Variants in ATP10D observed in about 807,000 individuals in gnomAD.
ATP10D encodes the protein phospholipid-transporting ATPase VD.
Under a neutral mutation model 144.8 loss-of-function variants are expected in ATP10D, and 89 were observed. The observed-to-expected ratio is 0.61, with a 90% CI of 0.52 to 0.73. The LOEUF (loss-of-function observed/expected upper bound fraction) is 0.73. Among genes scored for constraint, ATP10D ranks in the 30% least tolerant of loss-of-function variants. The pLI is 0.00. For missense variants in ATP10D, 1,603 were observed against 1,714.8 expected (o/e 0.93, Z 1.15); for synonymous variants, 571 against 615.1 (o/e 0.93, Z 1.06).
chr4:47,506,265 T>C (rs1716016819), intron 1 of ATP10D, among the ~76,000 whole-genome samples: 2 of 152,242 alleles, frequency 1.3e-5, no homozygotes, highest in Non-Finnish European at 2.9e-5. Context: ...CTTTGAACTT[T>C]ACTTTTTTCT....
chr4:47,502,557 TA>T (rs1360591352), intron 1 of ATP10D, among the ~76,000 whole-genome samples: 187 of 148,808 alleles, frequency 1.3e-3, no homozygotes, highest in African/African-American at 4.3e-3. Context: ...AATATATATA[TA>T]TTTGATAATA....
chr4:47,555,386 G>T (rs1327591767), intron 11 of ATP10D, among the ~76,000 whole-genome samples: 3 of 152,188 alleles, frequency 2.0e-5, no homozygotes, highest in Admixed American at 2.0e-4. Context: ...GGTCCCTGGT[G>T]CCAAAAAGGT....
At chr4:47,500,223 G>A (rs909723658) in intron 1 of ATP10D, among the ~76,000 whole-genome samples, 1 of 152,150 alleles carries the variant, frequency 6.6e-6, no homozygotes, top group Non-Finnish European at 1.5e-5. Flanking sequence ...GATGGAGGAG[G>A]GAGACAGACA....
chr4:47,491,422 T>C (rs776771299), intron 1 of ATP10D: 1 of 721,414 alleles, frequency 1.4e-6, no homozygotes. Context: ...CTAGAGAACA[T>C]GTATGGGGTG....
At chr4:47,588,911 A>G (rs1054521274) in intron 22 of ATP10D, among the ~76,000 whole-genome samples, 11 of 152,298 alleles carry the variant, frequency 7.2e-5, no homozygotes, top group Admixed American at 6.5e-4. Context: ...AAAGATTTCC[A>G]TGTCCTAATC....
intron 4 of ATP10D, 38 bp from the exon 5 acceptor site, chr4:47,525,519 C>CG (rs755331262): frequency 7.0e-7 from 1 of 1,431,236 alleles, no homozygotes; most frequent in Non-Finnish European, 9.8e-7. Context: ...AGGGTTTAAC[C>CG]TTGAATTCTT....
At chr4:47,524,227 A>AT (rs901482364) in intron 4 of ATP10D, among the ~76,000 whole-genome samples, 37 of 149,004 alleles carry the variant, frequency 2.5e-4, no homozygotes, top group African/African-American at 7.9e-4. Context: ...CGCTCGGTCT[A>AT]TTTTTTTTTT....
chr4:47,539,091 C>T (rs2109427079), intron 9 of ATP10D, among the ~76,000 whole-genome samples: 1 of 152,298 alleles, frequency 6.6e-6, no homozygotes, highest in East Asian at 1.9e-4. Context: ...CTGCCTACCA[C>T]AGTCTCTAAA....
chr4:47,536,621 A>G (rs2109424469), intron 8 of ATP10D, 57 bp downstream of exon 8: 8 of 1,604,108 alleles, frequency 5.0e-6, no homozygotes, highest in East Asian at 4.5e-5. Context: ...TTATCCAGCT[A>G]TGTTCAGTTT....
chr4:47,525,443 C>T (rs990553761), intron 4 of ATP10D, 114 bp from the exon 5 acceptor site: 8 of 738,144 alleles, frequency 1.1e-5, no homozygotes, highest in Non-Finnish European at 1.6e-5. Context: ...ATGATATGAA[C>T]TTCATTGCAA....
At chr4:47,590,976 T>TGG (rs4031826) in intron 22 of ATP10D, 66 bp from the exon 23 acceptor site, 86,920 of 938,554 alleles carry the variant, frequency 0.093, 2,640 homozygotes, top group East Asian at 0.23. Context: ...CGTTAGTATT[T>TGG]GGGGGGGGGG....
At chr4:47,579,172 T>C (rs551274755) in intron 19 of ATP10D, among the ~76,000 whole-genome samples, 1 of 152,332 alleles carries the variant, frequency 6.6e-6, no homozygotes, top group South Asian at 2.1e-4. Flanking sequence ...GGCTCTTGTT[T>C]GAAAAGTCAT....
chr4:47,549,488 G>T (rs995829095), intron 10 of ATP10D, among the ~76,000 whole-genome samples: 1 of 152,220 alleles, frequency 6.6e-6, no homozygotes, highest in Non-Finnish European at 1.5e-5. Context: ...CTTCAGGGGT[G>T]CCTGGCACCA....
chr4:47,579,627 A>G (rs529355859), intron 19 of ATP10D, among the ~76,000 whole-genome samples: 9 of 152,342 alleles, frequency 5.9e-5, no homozygotes, highest in South Asian at 2.1e-4. Context: ...GAAAGAATGG[A>G]TTTGGCACAT....
intron 18 of ATP10D, among the ~76,000 whole-genome samples, chr4:47,576,449 A>C (rs2109469575): frequency 6.6e-6 from 1 of 152,328 alleles, no homozygotes; most frequent in East Asian, 1.9e-4. Context: ...AGTTAATTAC[A>C]CTTAATTTCC....
chr4:47,522,268 A>G (rs186034731), intron 3 of ATP10D, among the ~76,000 whole-genome samples: 16 of 152,298 alleles, frequency 1.1e-4, no homozygotes, highest in African/African-American at 3.8e-4. Context: ...CGTGGAGCAT[A>G]ATGGTAACCC....
intron 18 of ATP10D, 105 bp from the exon 19 acceptor site, chr4:47,576,668 C>A: frequency 9.8e-7 from 1 of 1,016,428 alleles, no homozygotes; most frequent in Non-Finnish European, 1.5e-6. Flanking sequence ...AAGAAAACTA[C>A]AGAGAGGCTG....
Position 47,512,629 on chromosome 4 carries a change from A to G in ATP10D, c.89A>G (p.Tyr30Cys), listed in dbSNP as rs138139630. The G allele has an allele frequency of 1.7e-4, 281 of 1,614,020 alleles. No homozygotes were observed. Among genetic ancestry groups the G allele is most frequent in the Non-Finnish European group, 2.2e-4 (265 of 1,180,034 alleles). ...TRDDDSGPYNYSSLLACGRKS... is the reference protein window; with the variant it reads ...TRDDDSGPYNCSSLLACGRKS... ...GATGATGATTCAGGGCCATACAACT[A>G]TTCCTCGTTGCTCGCCTGTGGGCGC... Residue 30 changes from tyrosine (Y) to cysteine (C), a missense_variant, in exon 2 of 23, where the codon TAT becomes TGT. By Grantham distance (194) the Tyr-to-Cys change is radical. Coordinates refer to ENST00000273859, the MANE Select transcript of ATP10D (RefSeq NM_020453.4).
At chr4:47,563,896 T>G (rs975863919) in intron 15 of ATP10D, 131 bp downstream of exon 15, 55 of 1,012,892 alleles carry the variant, frequency 5.4e-5, no homozygotes, top group Non-Finnish European at 6.7e-5. Context: ...TTTGTTTGTT[T>G]GTTTTGGTTT....
Sources: allele counts gnomAD v4.1 joint callset (sites outside exome capture counted in the v4.1 genomes callset), GRCh38; gene constraint gnomAD v4.1.1; transcripts MANE v1.5; gene names NCBI Gene and HGNC (gene_info 2026-07-23, HGNC 2026-07-21).